The following CCSER1 variants were observed in gnomAD, a reference collection of about 807,000 sequenced individuals.
CCSER1 encodes serine-rich coiled-coil domain-containing protein 1.
Under a neutral mutation model 82.0 loss-of-function variants are expected in CCSER1, and 41 were observed. The ratio of observed to expected loss-of-function variants is 0.50; its 90% confidence interval spans 0.39 to 0.65. The LOEUF is 0.65. Ranked by LOEUF, CCSER1 falls within the 30% of genes least tolerant of loss-of-function variation. CCSER1 has a pLI of 0.00. For missense variants in CCSER1, 1,119 were observed against 1,064.2 expected, an observed-to-expected ratio of 1.05 and a Z score of -0.72; for synonymous variants, 414 against 383.9, an observed-to-expected ratio of 1.08 and a Z score of -0.92.
intron 9 of CCSER1, among the ~76,000 whole-genome samples, chr4:90,957,537 T>TATA (rs1733610259): frequency 8.1e-6 from 1 of 122,970 alleles, no homozygotes; most frequent in Non-Finnish European, 1.6e-5. Context: ...ATATTATATA[T>TATA]ATTATATAAT....
In CCSER1 at chr4:91,167,185, C is replaced by CCT. The variant is rs71596550; in HGVS notation, c.2217+81191_2217+81192insCT. ...TAAATACATGACAAGAATTGCAATA[C>CCT]TTTTTTTTTTTTTTTTTTTGAGACG... On this transcript the variant is annotated intron_variant, in intron 10 of 10. Coordinates refer to ENST00000509176, the MANE Select transcript of CCSER1 (RefSeq NM_001145065.2). Among the ~76,000 whole-genome samples the CCT allele has an allele frequency of 2.5e-5, 3 of 121,524 alleles. No homozygotes were observed. The Admixed American group carries it at 2.8e-4, about 11-fold the overall frequency. The allele number at this position is 121,524 out of a possible 152,430, so 79.7% of individuals were successfully genotyped here.
At chr4:90,529,631 C>T (rs1774240670) in intron 5 of CCSER1, among the ~76,000 whole-genome samples, 1 of 152,168 alleles carries the variant, frequency 6.6e-6, no homozygotes, top group Non-Finnish European at 1.5e-5. Flanking sequence ...GAATGGTATA[C>T]AGAAACTAGT....
At chr4:91,393,663 G>A (rs1751796257) in intron 10 of CCSER1, among the ~76,000 whole-genome samples, 1 of 151,910 alleles carries the variant, frequency 6.6e-6, no homozygotes, top group East Asian at 1.9e-4. Flanking sequence ...GCTTAATTGG[G>A]TTATAGCTCA....
chr4:91,304,713 T>C (rs959306870), intron 10 of CCSER1, among the ~76,000 whole-genome samples: 9 of 152,072 alleles, frequency 5.9e-5, no homozygotes, highest in Non-Finnish European at 1.2e-4. Context: ...TTGGACACAC[T>C]GTTAACACTA....
At chr4:90,844,768 G>A (rs1762997224) in intron 8 of CCSER1, among the ~76,000 whole-genome samples, 1 of 151,578 alleles carries the variant, frequency 6.6e-6, no homozygotes, top group Non-Finnish European at 1.5e-5. Context: ...GTTAATATCT[G>A]TCCACCCCAG....
intron 7 of CCSER1, among the ~76,000 whole-genome samples, chr4:90,748,544 A>G (rs1266953948): frequency 2.0e-5 from 3 of 147,966 alleles, no homozygotes; most frequent in Non-Finnish European, 3.0e-5. Context: ...TCCTTTGGGT[A>G]TATACCCAGT....
At chr4:91,180,163 C>T (rs901017574) in intron 10 of CCSER1, among the ~76,000 whole-genome samples, 3 of 152,202 alleles carry the variant, frequency 2.0e-5, no homozygotes, top group African/African-American at 4.8e-5. Flanking sequence ...CTCATCCTTC[C>T]TCTGAAAGCT....
chr4:90,874,674 T>G (rs557427864), intron 8 of CCSER1, among the ~76,000 whole-genome samples: 19 of 152,324 alleles, frequency 1.2e-4, no homozygotes, highest in African/African-American at 4.6e-4. Flanking sequence ...GTTGATTTTC[T>G]TTAAAGGAAA....
intron 7 of CCSER1, among the ~76,000 whole-genome samples, chr4:90,750,649 A>T (rs1273971257): frequency 6.6e-6 from 1 of 152,172 alleles, no homozygotes; most frequent in Middle Eastern, 3.2e-3. Flanking sequence ...ATATAGAGAT[A>T]TTTAGTATTA....
intron 9 of CCSER1, among the ~76,000 whole-genome samples, chr4:91,005,351 A>G (rs1738407941): frequency 6.6e-6 from 1 of 151,808 alleles, no homozygotes; most frequent in Non-Finnish European, 1.5e-5. Flanking sequence ...TATTTAGACC[A>G]CTTCCAATTT....
intron 6 of CCSER1, among the ~76,000 whole-genome samples, chr4:90,697,076 T>C (rs1302928432): frequency 6.6e-6 from 1 of 152,294 alleles, no homozygotes; most frequent in Admixed American, 6.6e-5. Context: ...GCTATGAGAC[T>C]GTGGCTGCGT....
intron 7 of CCSER1, among the ~76,000 whole-genome samples, chr4:90,726,538 A>G (rs1238315808): frequency 6.6e-6 from 1 of 152,030 alleles, no homozygotes; most frequent in Admixed American, 6.6e-5. Flanking sequence ...GTTTGGGATC[A>G]AATGTTTATT....
intron 10 of CCSER1, among the ~76,000 whole-genome samples, chr4:91,161,982 G>A (rs1031867183): frequency 6.6e-6 from 1 of 152,154 alleles, no homozygotes; most frequent in South Asian, 2.1e-4. Context: ...TTGAATAGGA[G>A]TGGTGAGAGA....
chr4:90,523,967 G>A (rs1773443347), intron 5 of CCSER1, among the ~76,000 whole-genome samples: 1 of 151,924 alleles, frequency 6.6e-6, no homozygotes. Context: ...TGAAGAGATG[G>A]AACATATTTC....
intron 10 of CCSER1, among the ~76,000 whole-genome samples, chr4:91,536,020 A>T (rs186931983): frequency 2.1e-4 from 32 of 152,164 alleles, no homozygotes; most frequent in African/African-American, 7.0e-4. Context: ...TGGAATATTA[A>T]CTCATACCAA....
At chr4:91,580,478 G>A (rs919263193) in intron 10 of CCSER1, among the ~76,000 whole-genome samples, 2 of 151,740 alleles carry the variant, frequency 1.3e-5, no homozygotes, top group Non-Finnish European at 2.9e-5. Flanking sequence ...AGATGTTGGA[G>A]TGTGATGAGA....
rs576968738 is a variant in CCSER1, at chr4:91,254,871, G to A, written c.2217+168877G>A. 8.5e-4 allele frequency among the ~76,000 whole-genome samples: 129 copies of A among 151,970 alleles called. 2 individuals are homozygous for A. Among genetic ancestry groups the A allele is most frequent in the African/African-American group, 2.8e-3 (117 of 41,442 alleles). ...ACTGGAAGTAGCATATTATAGCATC[G>A]CTAGAACACAGATACATTACTAAGT... is the stretch of plus-strand genomic sequence containing the variant. On this transcript the variant is annotated intron_variant, in intron 10 of 10. Transcript: ENST00000509176.
At chr4:91,284,089 T>G (rs567533776) in intron 10 of CCSER1, among the ~76,000 whole-genome samples, 1 of 152,286 alleles carries the variant, frequency 6.6e-6, no homozygotes, top group African/African-American at 2.4e-5. Flanking sequence ...TTGAGACTAA[T>G]GGCTCAAAGT....
At chr4:90,904,266 C>G (rs1383841219) in intron 8 of CCSER1, among the ~76,000 whole-genome samples, 3 of 152,108 alleles carry the variant, frequency 2.0e-5, no homozygotes, top group Non-Finnish European at 4.4e-5. Flanking sequence ...CTGTAATTAA[C>G]AACACAATTG....
Sources: allele counts gnomAD v4.1 joint callset (sites outside exome capture counted in the v4.1 genomes callset), GRCh38; gene constraint gnomAD v4.1.1; transcripts MANE v1.5; gene names NCBI Gene and HGNC (gene_info 2026-07-23, HGNC 2026-07-21).